Variants in SPATA17 observed in about 807,000 individuals in gnomAD.
SPATA17 encodes spermatogenesis associated 17, also known as spermatogenesis-associated protein 17.
SPATA17 carries 53 observed loss-of-function variants against 62.2 expected under a neutral mutation model. That is an observed-to-expected ratio of 0.85 (90% CI 0.68 to 1.07). SPATA17 has a LOEUF of 1.07. SPATA17 is among the 50% of genes least tolerant of loss of function. The pLI is 0.00. For synonymous variants in SPATA17, 146 were observed against 146.8 expected, an observed-to-expected ratio of 0.99 and a Z score of 0.04; for missense variants, 466 against 425.5, an observed-to-expected ratio of 1.10 and a Z score of -0.84.
rs1553251071 is a variant in SPATA17, at chr1:217,770,978, A to AATTTTTTTTTTT, written c.520-3356_520-3355insATTTTTTTTTTT. ...ATGTATCTATTATATAACTCATTGC[A>AATTTTTTTTTTT]TTTTTTTTTTTTTTTTTTTTTTTTT... On this transcript the variant is annotated intron_variant, in intron 6 of 10. Coordinates refer to ENST00000366933, the MANE Select transcript of SPATA17 (RefSeq NM_138796.4). 4.7e-3 allele frequency among the ~76,000 whole-genome samples: 236 copies of AATTTTTTTTTTT among 50,194 alleles called. 18 individuals carry two copies. Among genetic ancestry groups the AATTTTTTTTTTT allele is most frequent in the Non-Finnish European group, 5.3e-3 (162 of 30,452 alleles). 32.9% of individuals were successfully genotyped at this position (50,194 alleles called of 152,430 possible). A position where few individuals can be genotyped will look rare whatever the true frequency, so the allele number is the denominator to read the frequency against.
chr1:217,725,170 T>C (rs1290518090), intron 5 of SPATA17, among the ~76,000 whole-genome samples: 5 of 152,204 alleles, frequency 3.3e-5, no homozygotes, highest in African/African-American at 1.2e-4. Context: ...AAATTTTTAA[T>C]GACCAACAAG....
chr1:217,636,401 A>G (rs1669941361), intron 1 of SPATA17, among the ~76,000 whole-genome samples: 3 of 151,786 alleles, frequency 2.0e-5, no homozygotes, highest in Admixed American at 2.0e-4. Flanking sequence ...TATTATTATT[A>G]TTATTGACTT....
At chr1:217,681,466 C>G (rs1413865854) in intron 4 of SPATA17, among the ~76,000 whole-genome samples, 1 of 151,772 alleles carries the variant, frequency 6.6e-6, no homozygotes, top group Non-Finnish European at 1.5e-5. Flanking sequence ...CTCTGCCTCC[C>G]CGGTTCAAGC....
At chr1:217,689,418 G>T (rs1022324294) in intron 5 of SPATA17, among the ~76,000 whole-genome samples, 1 of 151,822 alleles carries the variant, frequency 6.6e-6, no homozygotes, top group African/African-American at 2.4e-5. Flanking sequence ...TAGAGATGGG[G>T]TTTCGCCATG....
rs1173929818 is a variant in SPATA17 at position 217,683,378 on chromosome 1, T to C, written c.395+17T>C. 2 of 1,483,024 alleles carry C rather than the reference T, an allele frequency of 1.3e-6. No individual in the cohort carries two copies. The highest frequency in any genetic ancestry group is 1.4e-5 in the African/African-American group (1 of 71,768). 91.9% of individuals were successfully genotyped at this position (1,483,024 alleles called of 1,614,324 possible). On this transcript the variant is annotated intron_variant, in intron 5 of 10. Transcript: ENST00000366933. ...TGCAATTAGGTAAGTAGTGCAATCA[T>C]CCATTCACTAGGGAAAACTTTGGAA...
rs1259446335 is a variant in SPATA17, at chr1:217,782,338, A to C, written c.872+16A>C. ...ATGACAATATGTGAGTTCTTAGCTTAACAAAAATAGCTGTGACATATTTGG... is the reference window on the plus strand; with the variant it reads ...ATGACAATATGTGAGTTCTTAGCTTCACAAAAATAGCTGTGACATATTTGG... On this transcript the variant is annotated intron_variant, in intron 8 of 10. Coordinates refer to ENST00000366933, the MANE Select transcript of SPATA17 (RefSeq NM_138796.4). 1 of 1,576,726 alleles carries C rather than the reference A, an allele frequency of 6.3e-7. No individual in the cohort carries two copies. The highest frequency in any genetic ancestry group is 1.4e-5 in the African/African-American group (1 of 73,186).
chr1:217,695,990 G>T (rs1342307520), intron 5 of SPATA17, among the ~76,000 whole-genome samples: 1 of 150,868 alleles, frequency 6.6e-6, no homozygotes. Flanking sequence ...ACAGAGGCAG[G>T]CAGGCCTCCT....
rs959371311 is a variant in SPATA17, at chr1:217,774,362, G to A, written c.548G>A (p.Arg183Lys). The A allele has an allele frequency of 6.2e-7, 1 of 1,613,890 alleles. No individual in the cohort carries two copies. ...QIPGIYNSPF[R>K]KEPDPWELQL... ...CCAGGAATATACAATTCACCCTTCA[G>A]AAAAGAGCCTGATCCATGGGAGCTG... Residue 183 changes from arginine (R) to lysine (K), a missense_variant, in exon 7 of 11, where the codon AGA becomes AAA. Coordinates refer to ENST00000366933, the MANE Select transcript of SPATA17 (RefSeq NM_138796.4).
intron 5 of SPATA17, among the ~76,000 whole-genome samples, chr1:217,731,844 G>A (rs1347402630): frequency 3.9e-5 from 6 of 152,036 alleles, no homozygotes; most frequent in Non-Finnish European, 7.4e-5. Flanking sequence ...CATAGAATGG[G>A]AATTCATAGA....
At chr1:217,712,981 C>T (rs1671914090) in intron 5 of SPATA17, among the ~76,000 whole-genome samples, 1 of 152,120 alleles carries the variant, frequency 6.6e-6, no homozygotes, top group Non-Finnish European at 1.5e-5. Flanking sequence ...CAGCTATTGC[C>T]AGAGGTGTTT....
At chr1:217,642,253 A>T (rs868153255) in intron 1 of SPATA17, among the ~76,000 whole-genome samples, 4 of 152,156 alleles carry the variant, frequency 2.6e-5, no homozygotes, top group Admixed American at 1.3e-4. Context: ...AATTATTTTT[A>T]AAAAGCAGAT....
chr1:217,690,984 T>C (rs956206913), intron 5 of SPATA17, among the ~76,000 whole-genome samples: 27 of 147,436 alleles, frequency 1.8e-4, no homozygotes, highest in African/African-American at 5.9e-4. Flanking sequence ...GCATGATTTA[T>C]AGTCCTTTGG....
At chr1:217,696,408 G>A (rs1305565303) in intron 5 of SPATA17, among the ~76,000 whole-genome samples, 1 of 152,152 alleles carries the variant, frequency 6.6e-6, no homozygotes, top group African/African-American at 2.4e-5. Flanking sequence ...TCCCTAGTGA[G>A]ATGAACCCGG....
intron 9 of SPATA17, among the ~76,000 whole-genome samples, chr1:217,811,836 A>G (rs928720575): frequency 1.3e-5 from 2 of 152,216 alleles, no homozygotes; most frequent in Non-Finnish European, 1.5e-5. Context: ...AGCAACTTGG[A>G]TGGGACTTGC....
intron 5 of SPATA17, among the ~76,000 whole-genome samples, chr1:217,700,893 A>T (rs1440132213): frequency 6.6e-6 from 1 of 150,738 alleles, no homozygotes; most frequent in Non-Finnish European, 1.5e-5. Flanking sequence ...GTTATGAGGC[A>T]CCGCACCCAG....
chr1:217,679,292 T>C (rs897865775), intron 4 of SPATA17, among the ~76,000 whole-genome samples: 7 of 152,268 alleles, frequency 4.6e-5, no homozygotes, highest in African/African-American at 1.7e-4. Context: ...TATCCTGACT[T>C]TCCATTTACT....
At chr1:217,776,676 TAAAAAA>T (rs59177848) in intron 7 of SPATA17, among the ~76,000 whole-genome samples, 1 of 119,148 alleles carries the variant, frequency 8.4e-6, no homozygotes, top group African/African-American at 3.1e-5. Context: ...CTGTCTCTAT[TAAAAAA>T]AAAAAAAAAA....
intron 6 of SPATA17, among the ~76,000 whole-genome samples, chr1:217,750,901 T>C (rs1258968296): frequency 2.6e-5 from 4 of 152,182 alleles, no homozygotes; most frequent in African/African-American, 4.8e-5. Context: ...GAATACATTC[T>C]GTAAAGCTGG....
At chr1:217,687,438 C>G (rs1208924436) in intron 5 of SPATA17, among the ~76,000 whole-genome samples, 1 of 152,136 alleles carries the variant, frequency 6.6e-6, no homozygotes, top group Non-Finnish European at 1.5e-5. Flanking sequence ...TATATACAGT[C>G]ACATACCACA....
Sources: gnomAD v4.1 joint callset for allele counts (sites outside exome capture counted in the v4.1 genomes callset) on GRCh38, gnomAD v4.1.1 for gene constraint, MANE v1.5 for transcripts, NCBI Gene and HGNC (gene_info 2026-07-23, HGNC 2026-07-21) for gene names.